Variants in MAP3K4 observed in about 807,000 individuals in gnomAD.
The protein encoded by MAP3K4 is MAP three kinase 1.
A neutral mutation model predicts 185.6 loss-of-function variants in MAP3K4; 67 were observed. That is an observed-to-expected ratio of 0.36 (90% CI 0.30 to 0.44). The LOEUF is 0.44. Ranked by LOEUF, MAP3K4 falls within the 20% of genes least tolerant of loss-of-function variation. The pLI is 1.00. For synonymous variants in MAP3K4, 702 were observed against 710.4 expected (o/e 0.99, Z 0.19); for missense variants, 1,551 against 1,995.1 (o/e 0.78, Z 4.24).
In MAP3K4 at chr6:161,071,656, A is replaced by T. The variant is rs1286464505; in HGVS notation, c.1950+806A>T. 6.6e-6 allele frequency among the ~76,000 whole-genome samples: 1 copy of T among 152,176 alleles called. No homozygotes were observed. Among genetic ancestry groups the T allele is most frequent in the Non-Finnish European group, 1.5e-5 (1 of 68,034 alleles). ...CAAAATAGGATTTGTTTGTTTAATTAGGAGTAGAATAGAATGACTAATGAA... is the reference window on the plus strand; with the variant it reads ...CAAAATAGGATTTGTTTGTTTAATTTGGAGTAGAATAGAATGACTAATGAA... On this transcript the variant is annotated intron_variant, in intron 4 of 26. Coordinates refer to ENST00000392142, the MANE Select transcript of MAP3K4 (RefSeq NM_005922.4). The surrounding 1 kb of genome is among the most constrained non-coding windows in gnomAD (Gnocchi z 4.6).
chr6:161,006,591 C>G (rs1354769505), intron 1 of MAP3K4, among the ~76,000 whole-genome samples: 1 of 152,140 alleles, frequency 6.6e-6, no homozygotes, highest in Non-Finnish European at 1.5e-5. Context: ...GAATCAATCC[C>G]TCGTAGATAC....
chr6:161,024,494 A>T (rs1457607518), intron 1 of MAP3K4, among the ~76,000 whole-genome samples: 3 of 152,172 alleles, frequency 2.0e-5, no homozygotes, highest in East Asian at 3.8e-4. Flanking sequence ...CCATCCAGGG[A>T]CCACATTAGT....
intron 1 of MAP3K4, among the ~76,000 whole-genome samples, chr6:161,014,044 G>T (rs1263797477): frequency 1.3e-5 from 2 of 152,182 alleles, no homozygotes; most frequent in African/African-American, 2.4e-5. Context: ...TATAATGTAG[G>T]TTTTATGTAT....
chr6:161,072,857 C>T (rs9456621), intron 4 of MAP3K4, among the ~76,000 whole-genome samples: 2,504 of 152,112 alleles, frequency 0.016, 38 homozygotes, highest in African/African-American at 0.038. Context: ...CAGGTTATTA[C>T]CTATTAGATC....
In MAP3K4 at chr6:161,108,491, C is replaced by T. The variant is rs1286706171; in HGVS notation, c.4120-252C>T. On this transcript the variant is annotated intron_variant, in intron 21 of 26. Coordinates refer to ENST00000392142, the MANE Select transcript of MAP3K4 (RefSeq NM_005922.4). The surrounding 1 kb of genome is among the most constrained non-coding windows in gnomAD (Gnocchi z 5.7). Reference sequence around the variant, plus strand: ...TGCACTTGCCGTGGAGCCGCGTCCTCCTCCACATGGCGCTCCTCACTCCCT... The same window carrying T: ...TGCACTTGCCGTGGAGCCGCGTCCTTCTCCACATGGCGCTCCTCACTCCCT... 1.3e-5 allele frequency among the ~76,000 whole-genome samples: 2 copies of T among 152,082 alleles called. No individual in the cohort carries two copies. Among genetic ancestry groups the T allele is most frequent in the East Asian group, 1.9e-4 (1 of 5,164 alleles).
At chr6:161,113,584 G>A (rs190319060) in intron 25 of MAP3K4, among the ~76,000 whole-genome samples, 66 of 152,162 alleles carry the variant, frequency 4.3e-4, no homozygotes, top group African/African-American at 1.5e-3. Flanking sequence ...ACACTAACGC[G>A]AACTACACAT....
Position 161,064,454 on chromosome 6 carries a change from CTT to C in MAP3K4, c.1708-6144_1708-6143del, listed in dbSNP as rs200966904. ...ATTTTCCAACTTCTTAAACTGCTGC[CTT>C]TTTTTTTTTACATTAAATTCTAGAT... On this transcript the variant is annotated intron_variant, in intron 3 of 26. Coordinates refer to ENST00000392142, the MANE Select transcript of MAP3K4 (RefSeq NM_005922.4). This position sits in a 1 kb window ranked among gnomAD's most constrained non-coding sequence, Gnocchi z 4.3. 3.5e-5 allele frequency among the ~76,000 whole-genome samples: 5 copies of C among 143,316 alleles called. No individual in the cohort carries two copies. The highest frequency in any genetic ancestry group is 5.1e-5 in the African/African-American group (2 of 39,282). 94.0% of individuals were successfully genotyped at this position (143,316 alleles called of 152,430 possible). A position where few individuals can be genotyped will look rare whatever the true frequency, so the allele number is the denominator to read the frequency against.
At chr6:160,997,730 G>T (rs1421608136) in intron 1 of MAP3K4, among the ~76,000 whole-genome samples, 2 of 152,160 alleles carry the variant, frequency 1.3e-5, no homozygotes, top group South Asian at 4.1e-4. Flanking sequence ...TTATTTGGGG[G>T]AATTCCTCTC....
At chr6:161,113,229 A>C (rs1290741703) in intron 25 of MAP3K4, among the ~76,000 whole-genome samples, 1 of 152,226 alleles carries the variant, frequency 6.6e-6, no homozygotes, top group Admixed American at 6.5e-5. Context: ...AAAGACATGG[A>C]GGAACCTTCA....
chr6:161,041,068 G>A (rs892977940), intron 2 of MAP3K4, among the ~76,000 whole-genome samples: 1 of 152,324 alleles, frequency 6.6e-6, no homozygotes, highest in African/African-American at 2.4e-5. Context: ...AGTGTGAGTA[G>A]GAGAAGGCTT....
At chr6:161,057,336 C>T (rs1489747018) in intron 3 of MAP3K4, among the ~76,000 whole-genome samples, 1 of 152,150 alleles carries the variant, frequency 6.6e-6, no homozygotes, top group Non-Finnish European at 1.5e-5. Flanking sequence ...GACTCAACAA[C>T]CCTGTGAGGT....
intron 11 of MAP3K4, among the ~76,000 whole-genome samples, chr6:161,089,786 C>A (rs962941982): frequency 6.6e-6 from 1 of 152,192 alleles, no homozygotes; most frequent in African/African-American, 2.4e-5. Flanking sequence ...GTGTAAATTT[C>A]ATTCTCCTTT....
At position 161,112,077 on chromosome 6, in the gene MAP3K4, C is replaced by A. The variant is rs542194326; in HGVS notation, c.4519+119C>A. On this transcript the variant is annotated intron_variant, in intron 24 of 26. Transcript: ENST00000392142. This position sits in a 1 kb window ranked among gnomAD's most constrained non-coding sequence, Gnocchi z 5.1. ...GGGAGAGCAGGTAAAGGTTTTCAGT[C>A]GTGAGAAGGACCACTTCCTCACACA... is the stretch of plus-strand genomic sequence containing the variant. 2 of 1,344,468 alleles carry A rather than the reference C, an allele frequency of 1.5e-6. No individual in the cohort carries two copies. Among genetic ancestry groups the A allele is most frequent in the South Asian group, 1.6e-5 (1 of 62,134 alleles). The allele number at this position is 1,344,468 out of a possible 1,614,324, so 83.3% of individuals were successfully genotyped here.
Position 161,087,026 on chromosome 6 carries a change from G to C in MAP3K4, c.2556+359G>C, listed in dbSNP as rs1785756405. Among the ~76,000 whole-genome samples, 1 of 152,130 alleles carries C rather than the reference G, an allele frequency of 6.6e-6. No homozygotes were observed. Among genetic ancestry groups the C allele is most frequent in the South Asian group, 2.1e-4 (1 of 4,816 alleles). ...TGATGCAGTTCAAAGGTTTTACAGT[G>C]AATCTTTGACATCAAGATCCTGGTC... is the stretch of plus-strand genomic sequence containing the variant. On this transcript the variant is annotated intron_variant, in intron 9 of 26. Transcript: ENST00000392142. This position sits in a 1 kb window ranked among gnomAD's most constrained non-coding sequence, Gnocchi z 4.9.
chr6:161,091,424 C>G lies in MAP3K4; in HGVS notation c.3019C>G (p.Arg1007Gly), dbSNP rs146198891. 2 of 1,613,758 alleles carry G rather than the reference C, an allele frequency of 1.2e-6. No individual in the cohort carries two copies. Among genetic ancestry groups the G allele is most frequent in the Admixed American group, 1.7e-5 (1 of 59,968 alleles). The change falls in exon 12 of 27, where the codon CGC becomes GGC. Residue 1007 changes from arginine (R) to glycine (G), a missense_variant. Physicochemically the swap from Arg to Gly is moderately radical, Grantham distance 125 (BLOSUM62 -2). Coordinates refer to ENST00000392142, the MANE Select transcript of MAP3K4 (RefSeq NM_005922.4). This position sits in a 1 kb window ranked among gnomAD's most constrained non-coding sequence, Gnocchi z 5.5. Reference protein sequence around the residue: ...LCNRISNAIDRVDHMFTSEFD... With the variant: ...LCNRISNAIDGVDHMFTSEFD... ...CAACAGGATAAGCAATGCCATTGAC[C>G]GCGTGGACCACATGTTCACATCAGA...
chr6:161,106,446 G>T lies in MAP3K4; in HGVS notation c.3857-68G>T. 8.8e-7 allele frequency: 1 copy of T among 1,137,104 alleles called. No homozygotes were observed. The allele number at this position is 1,137,104 out of a possible 1,614,324, so 70.4% of individuals were successfully genotyped here. On this transcript the variant is annotated intron_variant, in intron 19 of 26. Coordinates refer to ENST00000392142, the MANE Select transcript of MAP3K4 (RefSeq NM_005922.4). The surrounding 1 kb of genome is among the most constrained non-coding windows in gnomAD (Gnocchi z 4.9). ...TAATATATATTGCTCTATTTTTATT[G>T]GTTTGTCTTTTGGAAACTGACTTGA...
Position 161,063,421 on chromosome 6 carries a change from AT to A in MAP3K4, c.1708-7182del, listed in dbSNP as rs1784566624. 6.6e-6 allele frequency among the ~76,000 whole-genome samples: 1 copy of A among 151,922 alleles called. No homozygotes were observed. The highest frequency in any genetic ancestry group is 1.5e-5 in the Non-Finnish European group (1 of 67,994). On this transcript the variant is annotated intron_variant, in intron 3 of 26. Transcript: ENST00000392142. The surrounding 1 kb of genome is among the most constrained non-coding windows in gnomAD (Gnocchi z 5.4). ...CTACTACAGTTCTTTTCTGTTGCTT[AT>A]TTTTAAACATGATACTTGTTTCCAT...
chr6:161,089,290 T>C, intron 10 of MAP3K4, 32 bp from the exon 11 acceptor site: 2 of 1,603,014 alleles, frequency 1.2e-6, no homozygotes, highest in Admixed American at 1.7e-5. Flanking sequence ...ACTGGGTTGG[T>C]TTTTATGTCC....
At chr6:161,041,110 T>C (rs1783429729) in intron 2 of MAP3K4, among the ~76,000 whole-genome samples, 1 of 152,200 alleles carries the variant, frequency 6.6e-6, no homozygotes, top group Non-Finnish European at 1.5e-5. Flanking sequence ...GGAGCAGAGC[T>C]AGAACTGCTG....
Sources: gnomAD v4.1 joint callset for allele counts (sites outside exome capture counted in the v4.1 genomes callset) on GRCh38, gnomAD v4.1.1 for gene constraint, Gnocchi (gnomAD v3.1) non-coding constraint, MANE v1.5 for transcripts, NCBI Gene and HGNC (gene_info 2026-07-23, HGNC 2026-07-21) for gene names.